The following RALGPS2 variants were observed in gnomAD, a reference collection of about 807,000 sequenced individuals.
RALGPS2 encodes the protein Ral GEF with PH domain and SH3 binding motif 2, also known as ras-specific guanine nucleotide-releasing factor RalGPS2.
Under a neutral mutation model 86.8 loss-of-function variants are expected in RALGPS2, and 43 were observed. That is an observed-to-expected ratio of 0.50 (90% CI 0.39 to 0.64). The LOEUF (loss-of-function observed/expected upper bound fraction) is 0.64, where lower values mean the gene tolerates loss of function less well. Among genes scored for constraint, RALGPS2 ranks in the 30% least tolerant of loss-of-function variants. The pLI is 0.00. For synonymous variants in RALGPS2, 243 were observed against 231.3 expected, an observed-to-expected ratio of 1.05 and a Z score of -0.46; for missense variants, 536 against 694.6, an observed-to-expected ratio of 0.77 and a Z score of 2.57.
intron 5 of RALGPS2, 138 bp downstream of exon 5, chr1:178,808,266 G>A (rs1258073067): frequency 1.5e-6 from 1 of 651,870 alleles, no homozygotes; most frequent in Non-Finnish European, 2.7e-6. Context: ...CTCTGTGCAT[G>A]ATCTCTTTTT....
intron 8 of RALGPS2, among the ~76,000 whole-genome samples, chr1:178,873,928 G>A (rs888217509): frequency 5.3e-5 from 8 of 151,960 alleles, no homozygotes; most frequent in African/African-American, 1.7e-4. Context: ...TCACCCAAGC[G>A]GGAGTGCAGT....
At chr1:178,852,732 A>C (rs775471958) in intron 8 of RALGPS2, 2 of 1,613,886 alleles carry the variant, frequency 1.2e-6, no homozygotes, top group South Asian at 2.2e-5. Flanking sequence ...GTTTACCATT[A>C]TGCCACATCA....
At chr1:178,868,388 A>AT (rs934529951) in intron 8 of RALGPS2, among the ~76,000 whole-genome samples, 90 of 152,068 alleles carry the variant, frequency 5.9e-4, no homozygotes, top group African/African-American at 2.1e-3. Flanking sequence ...AAGTCCATTC[A>AT]TTTTAATACT....
intron 4 of RALGPS2, among the ~76,000 whole-genome samples, chr1:178,795,922 A>T (rs926906631): frequency 6.6e-6 from 1 of 152,186 alleles, no homozygotes; most frequent in Admixed American, 6.5e-5. Context: ...TAAACAATTA[A>T]TAAATATAAT....
At chr1:178,807,656 T>C (rs1654805422) in intron 4 of RALGPS2, among the ~76,000 whole-genome samples, 1 of 152,192 alleles carries the variant, frequency 6.6e-6, no homozygotes, top group Non-Finnish European at 1.5e-5. Context: ...TTTGGGGTAA[T>C]TGACTGTTAG....
intron 1 of RALGPS2, among the ~76,000 whole-genome samples, chr1:178,734,677 C>T (rs1650574225): frequency 6.6e-6 from 1 of 152,138 alleles, no homozygotes; most frequent in Non-Finnish European, 1.5e-5. Flanking sequence ...GCAAACAACT[C>T]CGAAACCTTT....
intron 8 of RALGPS2, among the ~76,000 whole-genome samples, chr1:178,859,831 C>CCT (rs1421890795): frequency 9.9e-6 from 1 of 100,560 alleles, no homozygotes; most frequent in Non-Finnish European, 2.3e-5. Context: ...CCCCCCCCCC[C>CCT]CCAACCGCCC....
chr1:178,740,807 T>C (rs555208167), intron 1 of RALGPS2, among the ~76,000 whole-genome samples: 1 of 152,266 alleles, frequency 6.6e-6, no homozygotes, highest in African/African-American at 2.4e-5. Flanking sequence ...GGAAAGATTG[T>C]AGGCTTTGGT....
chr1:178,836,022 T>G (rs1450030276), intron 8 of RALGPS2, among the ~76,000 whole-genome samples: 2 of 152,214 alleles, frequency 1.3e-5, no homozygotes, highest in Admixed American at 1.3e-4. Flanking sequence ...GTTGGGGACC[T>G]TCTTGTACTC....
intron 11 of RALGPS2, 134 bp downstream of exon 11, chr1:178,883,667 C>T: frequency 1.3e-6 from 1 of 747,414 alleles, no homozygotes; most frequent in Non-Finnish European, 2.1e-6. Flanking sequence ...AAAATCTGTC[C>T]TTTCTGGGTT....
Position 178,804,069 on chromosome 1 carries a change from CTT to C in RALGPS2, c.214-3964_214-3963del, listed in dbSNP as rs35448018. Among the ~76,000 whole-genome samples, 67 of 142,706 alleles carry C rather than the reference CTT, an allele frequency of 4.7e-4. 1 individual carries two copies. Among genetic ancestry groups the C allele is most frequent in the East Asian group, 1.0e-3 (5 of 4,874 alleles). 93.6% of individuals were successfully genotyped at this position (142,706 alleles called of 152,430 possible). The stretch of plus-strand genomic sequence containing the variant: ...AATCTTCCCCTGACTCAATCTATTC[CTT>C]TTTTTTTTTTTGGTTTCTAATTTAA... On this transcript the variant is annotated intron_variant, in intron 4 of 19. Transcript: ENST00000367635.
chr1:178,772,008 T>G (rs1652833314), intron 1 of RALGPS2, among the ~76,000 whole-genome samples: 1 of 152,170 alleles, frequency 6.6e-6, no homozygotes, highest in Non-Finnish European at 1.5e-5. Context: ...AGGGAATCTC[T>G]TAAACCCAGG....
chr1:178,904,016 GTTTT>G (rs964297842), intron 18 of RALGPS2, among the ~76,000 whole-genome samples: 1 of 151,914 alleles, frequency 6.6e-6, no homozygotes, highest in Non-Finnish European at 1.5e-5. Flanking sequence ...AACATCTACT[GTTTT>G]TTTATTTTTT....
intron 4 of RALGPS2, among the ~76,000 whole-genome samples, chr1:178,792,230 CTACT>C (rs1366546928): frequency 6.6e-6 from 1 of 152,168 alleles, no homozygotes; most frequent in East Asian, 1.9e-4. Flanking sequence ...ATTTTAAAAA[CTACT>C]TAGTAGGAAT....
chr1:178,827,576 T>C (rs1354309763), intron 7 of RALGPS2, among the ~76,000 whole-genome samples: 1 of 151,848 alleles, frequency 6.6e-6, no homozygotes, highest in East Asian at 1.9e-4. Flanking sequence ...TTGTATTTTT[T>C]AGTAGAGACG....
intron 8 of RALGPS2, chr1:178,865,438 C>T (rs867943875): frequency 6.2e-7 from 1 of 1,613,878 alleles, no homozygotes; most frequent in African/African-American, 1.3e-5. Flanking sequence ...TTACCTCATT[C>T]ACAATGTTTC....
chr1:178,919,708 G>A lies in RALGPS2; in HGVS notation c.*3349G>A, dbSNP rs1660922831. On this transcript the variant is annotated 3_prime_UTR_variant, in exon 20 of 20. Transcript: ENST00000367635. ...TACTAATTGAAAATCAATAGTAATG[G>A]GTTCCATCCATTAGCTTTTTAAATG... The A allele has an allele frequency of 6.6e-6, 1 of 151,862 alleles. No individual in the cohort carries two copies. Among genetic ancestry groups the A allele is most frequent in the African/African-American group, 2.4e-5 (1 of 41,374 alleles). 9.4% of individuals were successfully genotyped at this position (151,862 alleles called of 1,614,324 possible). A position where few individuals can be genotyped will look rare whatever the true frequency, so the allele number is the denominator to read the frequency against.
At chr1:178,741,234 T>G (rs1317462605) in intron 1 of RALGPS2, among the ~76,000 whole-genome samples, 2 of 152,178 alleles carry the variant, frequency 1.3e-5, no homozygotes, top group African/African-American at 4.8e-5. Context: ...GTTCTAAGCA[T>G]TTTACCTGTA....
At chr1:178,736,024 G>T (rs1650680195) in intron 1 of RALGPS2, among the ~76,000 whole-genome samples, 1 of 150,758 alleles carries the variant, frequency 6.6e-6, no homozygotes, top group East Asian at 2.0e-4. Flanking sequence ...GGAGTTATTT[G>T]GAGGTTAAGT....
Sources: gnomAD v4.1 joint callset for allele counts (sites outside exome capture counted in the v4.1 genomes callset) on GRCh38, gnomAD v4.1.1 for gene constraint, MANE v1.5 for transcripts, NCBI Gene and HGNC (gene_info 2026-07-23, HGNC 2026-07-21) for gene names.